The following EEIG2 variants were observed in gnomAD, a reference collection of about 807,000 sequenced individuals.
EEIG2 encodes EEIG family member 2.
the EEIG2 span, among the ~76,000 whole-genome samples, chr1:108,567,355 A>G: frequency 2.0e-5 from 3 of 152,178 alleles, no homozygotes; most frequent in Non-Finnish European, 4.4e-5. Context: ...TTACGTCATT[A>G]CCATTATTAG....
chr1:108,582,542 A>ACCC, the EEIG2 span, among the ~76,000 whole-genome samples: 1 of 152,100 alleles, frequency 6.6e-6, no homozygotes, highest in African/African-American at 2.4e-5. Flanking sequence ...CGAATTCTTA[A>ACCC]TTTTTTTGTG....
chr1:108,626,538 G>A, the EEIG2 span: 20 of 152,138 alleles, frequency 1.3e-4, no homozygotes, highest in African/African-American at 4.8e-4. Flanking sequence ...CCTGCTATTT[G>A]TGCCTATGAA....
At chr1:108,574,948 G>A in the EEIG2 span, among the ~76,000 whole-genome samples, 1 of 152,110 alleles carries the variant, frequency 6.6e-6, no homozygotes, top group Non-Finnish European at 1.5e-5. Flanking sequence ...ATTTCATTAT[G>A]AATTTTTCTG....
the EEIG2 span, among the ~76,000 whole-genome samples, chr1:108,587,937 A>G: frequency 6.6e-6 from 1 of 152,174 alleles, no homozygotes; most frequent in Admixed American, 6.6e-5. Flanking sequence ...TAGGTTCCAC[A>G]TATAAGTGAG....
chr1:108,591,423 A>G, the EEIG2 span, among the ~76,000 whole-genome samples: 1 of 152,236 alleles, frequency 6.6e-6, no homozygotes, highest in African/African-American at 2.4e-5. Context: ...ATGTTACAAA[A>G]CGATAAAGAT....
At chr1:108,584,826 G>A in the EEIG2 span, among the ~76,000 whole-genome samples, 2 of 151,976 alleles carry the variant, frequency 1.3e-5, no homozygotes, top group Non-Finnish European at 2.9e-5. Context: ...TATCTTATGT[G>A]GACAGTTCTG....
chr1:108,592,996 A>G, the EEIG2 span, among the ~76,000 whole-genome samples: 2 of 151,908 alleles, frequency 1.3e-5, no homozygotes, highest in African/African-American at 4.8e-5. Context: ...CATCTCTACA[A>G]AAAATACAAA....
chr1:108,564,554 G>A, the EEIG2 span, among the ~76,000 whole-genome samples: 1 of 152,124 alleles, frequency 6.6e-6, no homozygotes, highest in African/African-American at 2.4e-5. Context: ...TGCGGTATGT[G>A]GATTTCTTAG....
chr1:108,626,726 A>G, the EEIG2 span: 1 of 152,084 alleles, frequency 6.6e-6, no homozygotes, highest in Non-Finnish European at 1.5e-5. Context: ...ACAGGCATCT[A>G]CTCATCTTTC....
the EEIG2 span, among the ~76,000 whole-genome samples, chr1:108,634,818 T>C: frequency 2.0e-5 from 3 of 152,150 alleles, no homozygotes; most frequent in African/African-American, 7.2e-5. Context: ...GATAAACATG[T>C]TTGAAGAGCA....
At chr1:108,576,542 C>T in the EEIG2 span, among the ~76,000 whole-genome samples, 5 of 135,300 alleles carry the variant, frequency 3.7e-5, no homozygotes, top group African/African-American at 5.6e-5. Context: ...TGAGAATATG[C>T]GGTGTTTGGT....
chr1:108,631,754 A>C, the EEIG2 span, among the ~76,000 whole-genome samples: 1 of 152,180 alleles, frequency 6.6e-6, no homozygotes, highest in Admixed American at 6.5e-5. Flanking sequence ...ATGTAGTAGT[A>C]TCTTTCAGTG....
At chr1:108,567,617 C>G in the EEIG2 span, among the ~76,000 whole-genome samples, 1 of 152,148 alleles carries the variant, frequency 6.6e-6, no homozygotes, top group South Asian at 2.1e-4. Context: ...TTTCAGAAAA[C>G]TGGTTCCAAT....
the EEIG2 span, among the ~76,000 whole-genome samples, chr1:108,572,217 C>CTCTAA: frequency 6.6e-6 from 1 of 152,206 alleles, no homozygotes; most frequent in East Asian, 1.9e-4. Context: ...TTCTTCACAT[C>CTCTAA]TCTAATTCCT....
the EEIG2 span, chr1:108,560,176 G>A: frequency 4.5e-4 from 71 of 157,608 alleles, 1 homozygote; most frequent in Middle Eastern, 3.1e-3. Context: ...TCACCTCCCC[G>A]GGCGAGCTGC....
the EEIG2 span, among the ~76,000 whole-genome samples, chr1:108,573,086 T>G: frequency 1.5e-4 from 23 of 152,238 alleles, no homozygotes; most frequent in Non-Finnish European, 2.2e-4. Context: ...TGTGTAGACA[T>G]AAGCTTTCAC....
the EEIG2 span, chr1:108,636,700 T>C: frequency 6.6e-5 from 10 of 152,218 alleles, no homozygotes; most frequent in Admixed American, 1.3e-4. Context: ...AGTTATACTT[T>C]TTATTTTTTA....
chr1:108,632,443 A>G, the EEIG2 span, among the ~76,000 whole-genome samples: 7 of 152,184 alleles, frequency 4.6e-5, no homozygotes, highest in Non-Finnish European at 8.8e-5. Flanking sequence ...GAAGTGACCT[A>G]TCAGATTGGC....
the EEIG2 span, among the ~76,000 whole-genome samples, chr1:108,575,886 T>C: frequency 6.6e-6 from 1 of 151,626 alleles, no homozygotes; most frequent in African/African-American, 2.4e-5. Context: ...TAAAATTGAC[T>C]GGCGATAGTT....
Sources: gnomAD v4.1 joint callset for allele counts (sites outside exome capture counted in the v4.1 genomes callset) on GRCh38, gnomAD v4.1.1 for gene constraint, MANE v1.5 for transcripts, NCBI Gene and HGNC (gene_info 2026-07-23, HGNC 2026-07-21) for gene names.